ATAD2B: variants seen among roughly 807,000 people sequenced by gnomAD.
ATAD2B encodes the protein ATPase family AAA domain-containing protein 2B.
In ATAD2B, 40 loss-of-function variants were observed where a neutral mutation model predicts 167.6. That is an observed-to-expected ratio of 0.24 (90% CI 0.19 to 0.31). ATAD2B has a LOEUF of 0.31. Among genes scored for constraint, ATAD2B ranks in the 10% least tolerant of loss-of-function variants. ATAD2B has a pLI of 1.00. For synonymous variants in ATAD2B, 579 were observed against 596.5 expected, an observed-to-expected ratio of 0.97 and a Z score of 0.43; for missense variants, 1,242 against 1,757.2, an observed-to-expected ratio of 0.71 and a Z score of 5.24.
At chr2:23,703,345 C>T in the ATAD2B span, 1 of 1,531,812 alleles carries the variant, frequency 6.5e-7, no homozygotes, top group Non-Finnish European at 8.8e-7. Flanking sequence ...TTCCTCAGAC[C>T]AACACGTGGA....
intron 1 of ATAD2B, among the ~76,000 whole-genome samples, chr2:23,903,235 C>T (rs1701043835): frequency 1.9e-5 from 1 of 52,866 alleles, no homozygotes; most frequent in African/African-American, 5.3e-5. Flanking sequence ...GACTGTGTCT[C>T]AAAAATAAAT....
chr2:23,829,167 T>G (rs1688674542), intron 14 of ATAD2B, among the ~76,000 whole-genome samples: 1 of 152,114 alleles, frequency 6.6e-6, no homozygotes, highest in African/African-American at 2.4e-5. Context: ...GTTCACAACC[T>G]AAGACATTTA....
intron 13 of ATAD2B, among the ~76,000 whole-genome samples, chr2:23,837,710 T>C (rs1690231058): frequency 6.6e-6 from 1 of 152,262 alleles, no homozygotes; most frequent in Non-Finnish European, 1.5e-5. Flanking sequence ...TACAGTAGTT[T>C]GTTTTTAATA....
At chr2:23,823,818 A>G (rs1687829197) in intron 15 of ATAD2B, among the ~76,000 whole-genome samples, 1 of 152,210 alleles carries the variant, frequency 6.6e-6, no homozygotes, top group Non-Finnish European at 1.5e-5. Context: ...ACATAAGCTA[A>G]CAATATTAAA....
At chr2:23,729,538 C>T in the ATAD2B span, among the ~76,000 whole-genome samples, 5 of 152,030 alleles carry the variant, frequency 3.3e-5, no homozygotes, top group South Asian at 2.1e-4. Context: ...GCCTCCTCTG[C>T]GCAACTCATC....
rs372488189 is a variant in ATAD2B at position 23,823,408 on chromosome 2, C to T, written c.1981G>A (p.Val661Met). The T allele has an allele frequency of 1.1e-4, 177 of 1,613,810 alleles. No individual in the cohort carries two copies. Among genetic ancestry groups the T allele is most frequent in the Middle Eastern group, 3.3e-4 (2 of 6,084 alleles). Residue 661 changes from valine (V) to methionine (M), a missense_variant, in exon 16 of 28, where the codon GTG (valine) becomes ATG (methionine). By Grantham distance (21) the Val-to-Met change is conservative. Transcript: ENST00000238789. Reference sequence around the variant, plus strand: ...ATCACAGCACGTTGGGAAGCAGGCACGATATTCTGCATTGCATGGTAAAAA... The same window carrying T: ...ATCACAGCACGTTGGGAAGCAGGCATGATATTCTGCATTGCATGGTAAAAA... ...QDFYHAMQNIVPASQRAVMSS... is the reference protein window; with the variant it reads ...QDFYHAMQNIMPASQRAVMSS...
chr2:23,736,271 G>C, the ATAD2B span, among the ~76,000 whole-genome samples: 1 of 152,094 alleles, frequency 6.6e-6, no homozygotes, highest in Non-Finnish European at 1.5e-5. Flanking sequence ...CCTTGGGTTG[G>C]TTTTATTTCC....
rs115642848 is a variant in ATAD2B, at chr2:23,757,445, C to T, written c.4051G>A (p.Val1351Ile). 10,546 of 1,508,086 alleles carry T rather than the reference C, an allele frequency of 7.0e-3. 46 individuals are homozygous for T. The highest frequency in any genetic ancestry group is 8.4e-3 in the Non-Finnish European group (9,539 of 1,133,126). 93.4% of individuals were successfully genotyped at this position (1,508,086 alleles called of 1,614,324 possible). ...EKLEPGSDVE[V>I]KDAELDKEGA... ...TCTTTATCCAGTTCTGCATCTTTAA[C>T]CTCCACATCAGAGCCAGGTTCTAAC... The change falls in exon 25 of 28, where the codon GTT becomes ATT. Residue 1351 changes from valine (V) to isoleucine (I), a missense_variant. This residue lies in a region of ATAD2B where 282 missense variants were observed against 346.8 expected (regional missense o/e 0.81). Coordinates refer to ENST00000238789, the MANE Select transcript of ATAD2B (RefSeq NM_017552.4).
chr2:23,755,652 A>G (rs1452922318), intron 25 of ATAD2B, among the ~76,000 whole-genome samples: 1 of 152,154 alleles, frequency 6.6e-6, no homozygotes, highest in Non-Finnish European at 1.5e-5. Flanking sequence ...AAGTGTCTCA[A>G]TGCAGGGACC....
chr2:23,703,157 C>T, the ATAD2B span: 1 of 1,397,984 alleles, frequency 7.2e-7, no homozygotes, highest in South Asian at 1.7e-5. Flanking sequence ...TCCATCTTGA[C>T]CCTGGGCTCT....
chr2:23,861,947 T>C (rs867978231), intron 12 of ATAD2B, among the ~76,000 whole-genome samples: 7 of 152,180 alleles, frequency 4.6e-5, no homozygotes, highest in Non-Finnish European at 8.8e-5. Context: ...ATGCCTATAA[T>C]CCCAACACTT....
chr2:23,863,266 G>A (rs1694687978), intron 12 of ATAD2B, 115 bp downstream of exon 12: 5 of 976,126 alleles, frequency 5.1e-6, no homozygotes, highest in African/African-American at 1.7e-5. Flanking sequence ...ACGAGATCAC[G>A]CTATTGCACT....
chr2:23,869,495 G>T (rs919623404), intron 9 of ATAD2B, 168 bp downstream of exon 9: 1 of 586,116 alleles, frequency 1.7e-6, no homozygotes, highest in Non-Finnish European at 3.0e-6. Context: ...AATGATTTTG[G>T]GGAAAGGTTA....
chr2:23,757,073 G>T (rs1477061773), intron 25 of ATAD2B, among the ~76,000 whole-genome samples: 1 of 152,014 alleles, frequency 6.6e-6, no homozygotes, highest in African/African-American at 2.4e-5. Flanking sequence ...ATTCTTCTTG[G>T]AATTCCATCT....
chr2:23,808,185 ATATATT>A (rs1360891243), intron 18 of ATAD2B, among the ~76,000 whole-genome samples: 3 of 109,786 alleles, frequency 2.7e-5, no homozygotes, highest in Non-Finnish European at 3.8e-5. Context: ...ATATTTATAT[ATATATT>A]TATATTTATA....
intron 13 of ATAD2B, among the ~76,000 whole-genome samples, chr2:23,839,508 T>C (rs2149794372): frequency 6.6e-6 from 1 of 152,276 alleles, no homozygotes; most frequent in South Asian, 2.1e-4. Context: ...ATCTTGATTT[T>C]TCTCTAATAT....
chr2:23,822,282 C>A (rs1687562434), intron 16 of ATAD2B, among the ~76,000 whole-genome samples: 1 of 152,190 alleles, frequency 6.6e-6, no homozygotes, highest in Non-Finnish European at 1.5e-5. Flanking sequence ...CATCTCTAAT[C>A]CCAGCACTTT....
intron 1 of ATAD2B, among the ~76,000 whole-genome samples, chr2:23,918,271 T>C (rs1215426746): frequency 6.6e-6 from 1 of 150,564 alleles, no homozygotes; most frequent in Non-Finnish European, 1.5e-5. Context: ...ACTCAGAGGC[T>C]GTGATGGGAG....
At chr2:23,816,220 C>T (rs1388019938) in intron 17 of ATAD2B, among the ~76,000 whole-genome samples, 1 of 152,132 alleles carries the variant, frequency 6.6e-6, no homozygotes, top group Non-Finnish European at 1.5e-5. Context: ...CTAGTACAAG[C>T]CTTCTGGAAA....
Sources: allele counts gnomAD v4.1 joint callset (sites outside exome capture counted in the v4.1 genomes callset), GRCh38; gene constraint gnomAD v4.1.1; regional missense constraint gnomAD v4.1.1; transcripts MANE v1.5; gene names NCBI Gene and HGNC (gene_info 2026-07-23, HGNC 2026-07-21).